Variants in SEMA3A observed in about 807,000 individuals in gnomAD.
SEMA3A encodes the protein semaphorin 3A, also known as semaphorin-3A.
A neutral mutation model predicts 97.9 loss-of-function variants in SEMA3A; 29 were observed. The ratio of observed to expected loss-of-function variants is 0.30; its 90% CI spans 0.22 to 0.40. The LOEUF is 0.40. SEMA3A is among the 10% of genes least tolerant of loss of function. The pLI is 1.00. For synonymous variants in SEMA3A, 321 were observed against 323.7 expected (o/e 0.99, Z 0.09); for missense variants, 763 against 951.3 (o/e 0.80, Z 2.60).
intron 2 of SEMA3A, among the ~76,000 whole-genome samples, chr7:84,323,156 CA>C (rs1801691288): frequency 6.6e-6 from 1 of 152,144 alleles, no homozygotes; most frequent in South Asian, 2.1e-4. Flanking sequence ...GTATTAACAA[CA>C]ATGCTTTCTT....
chr7:84,421,454 C>G (rs988294730), intron 1 of SEMA3A, among the ~76,000 whole-genome samples: 35 of 151,956 alleles, frequency 2.3e-4, no homozygotes, highest in African/African-American at 8.2e-4. Context: ...GTAACGGTAA[C>G]TGTAGAAGTA....
chr7:84,412,841 A>G (rs940626849), intron 1 of SEMA3A, among the ~76,000 whole-genome samples: 1 of 152,124 alleles, frequency 6.6e-6, no homozygotes, highest in African/African-American at 2.4e-5. Context: ...ATAGTTTTTT[A>G]GATAGGAATG....
At chr7:84,417,529 A>G (rs1369135667) in intron 1 of SEMA3A, among the ~76,000 whole-genome samples, 1 of 152,128 alleles carries the variant, frequency 6.6e-6, no homozygotes, top group African/African-American at 2.4e-5. Context: ...ACTTATTCTC[A>G]CAAAAAATTT....
chr7:84,108,103 A>G (rs1209351386), intron 4 of SEMA3A, among the ~76,000 whole-genome samples: 1 of 152,192 alleles, frequency 6.6e-6, no homozygotes, highest in Admixed American at 6.5e-5. Flanking sequence ...AGTTTCTAAT[A>G]TTAATTGACT....
chr7:84,227,467 T>C (rs1274366289), intron 3 of SEMA3A, among the ~76,000 whole-genome samples: 1 of 152,084 alleles, frequency 6.6e-6, no homozygotes, highest in East Asian at 1.9e-4. Context: ...AAAATGCATT[T>C]CAATGAAATA....
intron 1 of SEMA3A, among the ~76,000 whole-genome samples, chr7:84,384,871 T>G (rs555927200): frequency 3.6e-4 from 55 of 152,040 alleles, no homozygotes; most frequent in Non-Finnish European, 6.3e-4. Context: ...GATGAAACAG[T>G]CTGCAATTCA....
chr7:83,957,901 A>T lies in SEMA3A; in HGVS notation c.*3470T>A, dbSNP rs919644023. 2 of 151,968 alleles carry T rather than the reference A, an allele frequency of 1.3e-5. No homozygotes were observed. Among genetic ancestry groups the T allele is most frequent in the Admixed American group, 6.6e-5 (1 of 15,210 alleles). The allele number at this position is 151,968 out of a possible 1,614,324, so 9.4% of individuals were successfully genotyped here. On this transcript the variant is annotated 3_prime_UTR_variant, in exon 17 of 17. Coordinates refer to ENST00000265362, the MANE Select transcript of SEMA3A (RefSeq NM_006080.3). The stretch of plus-strand genomic sequence containing the variant: ...TTAAGTCTGTCTTTGAAACCATGAA[A>T]CCTGATACAGTTTCATTAAATTGAA...
intron 1 of SEMA3A, among the ~76,000 whole-genome samples, chr7:84,169,065 C>G (rs1332782852): frequency 2.0e-5 from 3 of 151,624 alleles, no homozygotes; most frequent in African/African-American, 7.3e-5. Context: ...ACAATCTCAC[C>G]AGATGATTTT....
chr7:84,400,729 C>A (rs1803877991), intron 1 of SEMA3A, among the ~76,000 whole-genome samples: 1 of 152,206 alleles, frequency 6.6e-6, no homozygotes, highest in African/African-American at 2.4e-5. Context: ...GAAATGACAA[C>A]TGAGATCTTT....
intron 2 of SEMA3A, among the ~76,000 whole-genome samples, chr7:84,358,878 T>C (rs943685181): frequency 3.9e-5 from 6 of 152,292 alleles, no homozygotes; most frequent in African/African-American, 1.4e-4. Flanking sequence ...TATTCCTAGG[T>C]ATTGTATTCT....
intron 4 of SEMA3A, among the ~76,000 whole-genome samples, chr7:84,102,371 A>C (rs1794982524): frequency 6.6e-6 from 1 of 152,146 alleles, no homozygotes; most frequent in South Asian, 2.1e-4. Flanking sequence ...TTAAACCACA[A>C]GCTATCTGGC....
chr7:84,043,570 T>G (rs1264110852), intron 6 of SEMA3A, among the ~76,000 whole-genome samples: 1 of 152,136 alleles, frequency 6.6e-6, no homozygotes, highest in Non-Finnish European at 1.5e-5. Flanking sequence ...TATGATTGTA[T>G]AGTCTATGCT....
intron 3 of SEMA3A, among the ~76,000 whole-genome samples, chr7:84,293,520 C>T (rs1800800163): frequency 6.6e-6 from 1 of 151,776 alleles, no homozygotes. Flanking sequence ...TTTTCAGATG[C>T]AAAAAATATA....
At position 84,062,525 on chromosome 7, in the gene SEMA3A, G is replaced by C. The variant is rs141303483; in HGVS notation, c.454-1967C>G. 7.8e-3 allele frequency among the ~76,000 whole-genome samples: 1,186 copies of C among 152,332 alleles called. 10 individuals are homozygous for C. The highest frequency in any genetic ancestry group is 0.034 in the Middle Eastern group (10 of 294). ...TCAGGTACCGGGTTCACCTCACTAC[G>C]GAGTGCGAGACAGTGGGCATAGGTC... is the stretch of plus-strand genomic sequence containing the variant. On this transcript the variant is annotated intron_variant, in intron 4 of 16. Coordinates refer to ENST00000265362, the MANE Select transcript of SEMA3A (RefSeq NM_006080.3).
intron 1 of SEMA3A, among the ~76,000 whole-genome samples, chr7:84,188,900 A>G (rs891674950): frequency 2.0e-5 from 3 of 151,966 alleles, no homozygotes; most frequent in African/African-American, 7.2e-5. Context: ...TGTTTTGTGA[A>G]TGTTAAATTT....
At chr7:84,295,072 T>G (rs1444353233) in intron 3 of SEMA3A, among the ~76,000 whole-genome samples, 1 of 152,058 alleles carries the variant, frequency 6.6e-6, no homozygotes, top group African/African-American at 2.4e-5. Flanking sequence ...CATCCAAACT[T>G]GGCAATTGAA....
intron 3 of SEMA3A, among the ~76,000 whole-genome samples, chr7:84,201,175 T>C (rs533795388): frequency 7.9e-5 from 12 of 152,230 alleles, no homozygotes; most frequent in Admixed American, 2.0e-4. Flanking sequence ...TGAAAAAGAA[T>C]GTTGCACCTC....
At chr7:84,468,248 G>A (rs866150979) in intron 1 of SEMA3A, among the ~76,000 whole-genome samples, 1 of 152,104 alleles carries the variant, frequency 6.6e-6, no homozygotes, top group African/African-American at 2.4e-5. Context: ...AGTTTTCATT[G>A]TGCAAAATCA....
At chr7:84,288,472 T>G (rs2115773216) in intron 3 of SEMA3A, among the ~76,000 whole-genome samples, 1 of 152,144 alleles carries the variant, frequency 6.6e-6, no homozygotes, top group East Asian at 1.9e-4. Flanking sequence ...CCAAGGCGGA[T>G]GGATCACTTG....
Sources: gnomAD v4.1 joint callset for allele counts (sites outside exome capture counted in the v4.1 genomes callset) on GRCh38, gnomAD v4.1.1 for gene constraint, MANE v1.5 for transcripts, NCBI Gene and HGNC (gene_info 2026-07-23, HGNC 2026-07-21) for gene names.